Variants in DNASE2B observed in about 807,000 individuals in gnomAD.
The protein encoded by DNASE2B is deoxyribonuclease 2 beta, also known as deoxyribonuclease-2-beta.
Under a neutral mutation model 46.0 loss-of-function variants are expected in DNASE2B, and 43 were observed. The ratio of observed to expected loss-of-function variants is 0.94; its 90% CI spans 0.73 to 1.21. DNASE2B has a LOEUF of 1.21. DNASE2B is among the 50% of genes most tolerant of loss of function. DNASE2B has a pLI of 0.00. For missense variants in DNASE2B, 395 were observed against 414.4 expected (o/e 0.95, Z 0.41); for synonymous variants, 156 against 152.5 (o/e 1.02, Z -0.17).
intron 1 of DNASE2B, 55 bp from the exon 2 acceptor site, chr1:84,401,846 G>A: frequency 7.5e-7 from 1 of 1,327,674 alleles, no homozygotes; most frequent in Non-Finnish European, 1.0e-6. Context: ...TACAGTTACT[G>A]CCACAGGAAA....
intron 2 of DNASE2B, among the ~76,000 whole-genome samples, chr1:84,405,318 G>A (rs1342211864): frequency 6.6e-6 from 1 of 152,120 alleles, no homozygotes; most frequent in East Asian, 1.9e-4. Flanking sequence ...TTAATTTTAA[G>A]TATGAGCTAT....
intron 5 of DNASE2B, among the ~76,000 whole-genome samples, chr1:84,414,102 A>C (rs953537706): frequency 6.6e-6 from 1 of 152,132 alleles, no homozygotes; most frequent in African/African-American, 2.4e-5. Context: ...TATGATCATA[A>C]ACCAGTTTCT....
intron 2 of DNASE2B, 123 bp downstream of exon 2, chr1:84,402,201 A>C: frequency 1.1e-6 from 1 of 890,826 alleles, no homozygotes; most frequent in Non-Finnish European, 1.6e-6. Context: ...GAAGTGAGCT[A>C]GCTCAGGACC....
chr1:84,401,427 A>G (rs1279791395), intron 1 of DNASE2B, among the ~76,000 whole-genome samples: 1 of 152,214 alleles, frequency 6.6e-6, no homozygotes, highest in East Asian at 1.9e-4. Context: ...CTACTTAATT[A>G]CTTGGTTTTA....
At position 84,414,913 on chromosome 1, in the gene DNASE2B, T is replaced by C; in HGVS notation, c.*45T>C. The C allele has an allele frequency of 1.4e-6, 2 of 1,412,656 alleles. No homozygotes were observed. The highest frequency in any genetic ancestry group is 9.8e-7 in the Non-Finnish European group (1 of 1,020,110). The allele number at this position is 1,412,656 out of a possible 1,614,324, so 87.5% of individuals were successfully genotyped here. A position where few individuals can be genotyped will look rare whatever the true frequency, so the allele number is the denominator to read the frequency against. ...GTACTATCATTGAAAACCTTGACAA[T>C]GGGTCTTCTTCCATTACACCTTCTT... is the stretch of plus-strand genomic sequence containing the variant. On this transcript the variant is annotated 3_prime_UTR_variant, in exon 6 of 6. Coordinates refer to ENST00000370665, the MANE Select transcript of DNASE2B (RefSeq NM_021233.3).
At position 84,414,590 on chromosome 1, in the gene DNASE2B, C is replaced by T. The variant is rs144779905; in HGVS notation, c.808C>T (p.Arg270Ter). The change falls in exon 6 of 6, where the codon CGA becomes TGA. Residue 270 changes from arginine (R) to a stop codon, truncating the protein, a stop_gained. Transcript: ENST00000370665. LOFTEE classifies it high-confidence loss of function. ...ACACTTGTTAACAGAAACCTGGCAG[C>T]GAAAAAGACAAGAGCTTCCTTCAAA... ...KTHLLTETWQRKRQELPSNCS... is the reference protein window; with the variant it reads ...KTHLLTETWQ 115 of 1,613,908 alleles carry T rather than the reference C, an allele frequency of 7.1e-5. No individual in the cohort carries two copies. Among genetic ancestry groups the T allele is most frequent in the Non-Finnish European group, 8.6e-5 (102 of 1,179,994 alleles).
chr1:84,401,298 C>T (rs375931503), intron 1 of DNASE2B, among the ~76,000 whole-genome samples: 4 of 152,166 alleles, frequency 2.6e-5, no homozygotes, highest in South Asian at 4.2e-4. Context: ...CACTGAGAAA[C>T]GCTGAGCTAG....
At chr1:84,414,436 G>A (rs1680656630) in intron 5 of DNASE2B, 92 bp from the exon 6 acceptor site, 3 of 1,080,342 alleles carry the variant, frequency 2.8e-6, no homozygotes, top group African/African-American at 3.2e-5. Context: ...ACATATCAGG[G>A]GTGAAAGATG....
Position 84,414,523 on chromosome 1 carries a change from C to T in DNASE2B, c.746-5C>T, listed in dbSNP as rs756927629. On this transcript the variant is annotated splice_region_variant and splice_polypyrimidine_tract_variant and intron_variant, in intron 5 of 5. Coordinates refer to ENST00000370665, the MANE Select transcript of DNASE2B (RefSeq NM_021233.3). ...CCTCACTATCTTTCTCCTCCTAAAC[C>T]CTAGACATCTTTGCAGCCTGGATGG... is the stretch of plus-strand genomic sequence containing the variant. 1.9e-6 allele frequency: 3 copies of T among 1,599,106 alleles called. No homozygotes were observed. The South Asian group carries it at 3.4e-5, about 18-fold the overall frequency.
intron 2 of DNASE2B, among the ~76,000 whole-genome samples, chr1:84,407,762 T>A (rs1433085930): frequency 1.3e-5 from 2 of 152,186 alleles, no homozygotes; most frequent in East Asian, 3.8e-4. Context: ...TTTGGCTGTT[T>A]GAAAATTGAC....
chr1:84,402,117 A>C (rs1401285398), intron 2 of DNASE2B, 39 bp downstream of exon 2: 5 of 1,546,452 alleles, frequency 3.2e-6, no homozygotes, highest in Non-Finnish European at 3.5e-6. Context: ...AATAATATAA[A>C]ATGCATAAAA....
At chr1:84,402,710 A>G (rs1175012132) in intron 2 of DNASE2B, among the ~76,000 whole-genome samples, 2 of 152,222 alleles carry the variant, frequency 1.3e-5, no homozygotes, top group East Asian at 3.8e-4. Flanking sequence ...CATGCTCCCA[A>G]TATTCTAGGC....
chr1:84,408,744 T>G (rs1315739520), intron 3 of DNASE2B, among the ~76,000 whole-genome samples: 1 of 151,946 alleles, frequency 6.6e-6, no homozygotes, highest in African/African-American at 2.4e-5. Context: ...CTTAACATAT[T>G]TTAAAATATT....
Position 84,412,337 on chromosome 1 carries a change from T to TAA in DNASE2B, c.548-12_548-11insAA, listed in dbSNP as rs112040837. Reference sequence around the variant, plus strand: ...TTAATTCTCAACTTTTCTTTACTGTTTCTTGATTCAGATTCTCAGCTCTTG... The same window carrying TAA: ...TTAATTCTCAACTTTTCTTTACTGTTAATCTTGATTCAGATTCTCAGCTCTTG... On this transcript the variant is annotated splice_polypyrimidine_tract_variant and intron_variant, in intron 4 of 5. Coordinates refer to ENST00000370665, the MANE Select transcript of DNASE2B (RefSeq NM_021233.3). 33 of 1,509,432 alleles carry TAA rather than the reference T, an allele frequency of 2.2e-5. No homozygotes were observed. In the African/African-American group the frequency reaches 3.8e-4, roughly 17 times the overall value. 93.5% of individuals were successfully genotyped at this position (1,509,432 alleles called of 1,614,324 possible).
chr1:84,399,464 T>C (rs143500369), intron 1 of DNASE2B, among the ~76,000 whole-genome samples: 5 of 152,250 alleles, frequency 3.3e-5, no homozygotes, highest in Non-Finnish European at 7.4e-5. Flanking sequence ...CGAAACATGG[T>C]TCCTACCCTC....
chr1:84,411,068 A>T, intron 4 of DNASE2B, 69 bp downstream of exon 4: 1 of 1,465,290 alleles, frequency 6.8e-7, no homozygotes. Context: ...ATATATTCAT[A>T]AATGTGTCAC....
Position 84,398,524 on chromosome 1 carries a change from C to T in DNASE2B, c.-41C>T. 6.2e-7 allele frequency: 1 copy of T among 1,609,280 alleles called. No homozygotes were observed. Among genetic ancestry groups the T allele is most frequent in the Non-Finnish European group, 8.5e-7 (1 of 1,177,050 alleles). ...TGAGAGCGCCTTGAAACTCAGACTC[C>T]ACAATCTATGGGGAAAGTGTCCTGC... On this transcript the variant is annotated 5_prime_UTR_variant, in exon 1 of 6. Transcript: ENST00000370665.
In DNASE2B at chr1:84,412,471, A is replaced by G; in HGVS notation, c.670A>G (p.Arg224Gly). 6.2e-7 allele frequency: 1 copy of G among 1,613,976 alleles called. No homozygotes were observed. Among genetic ancestry groups the G allele is most frequent in the South Asian group, 1.1e-5 (1 of 91,046 alleles). The change falls in exon 5 of 6, where the codon AGG becomes GGG. Residue 224 changes from arginine (R) to glycine (G), a missense_variant. By Grantham distance (125) the Arg-to-Gly change is moderately radical. Coordinates refer to ENST00000370665, the MANE Select transcript of DNASE2B (RefSeq NM_021233.3). The stretch of plus-strand genomic sequence containing the variant: ...GGCCAGCTCATCAGAGATTCCTGGC[A>G]GGCTCCTCACCACACTTCAGTCGGC... ...TRASSSEIPG[R>G]LLTTLQSAQG...
intron 2 of DNASE2B, among the ~76,000 whole-genome samples, chr1:84,405,633 A>G (rs1461042366): frequency 1.3e-5 from 2 of 152,224 alleles, no homozygotes; most frequent in Non-Finnish European, 2.9e-5. Context: ...GATGAAAAAT[A>G]TGCAAGAGCT....
Sources: allele counts gnomAD v4.1 joint callset (sites outside exome capture counted in the v4.1 genomes callset), GRCh38; gene constraint gnomAD v4.1.1; transcripts MANE v1.5; gene names NCBI Gene and HGNC (gene_info 2026-07-23, HGNC 2026-07-21).